The following TMTC2 variants were observed in gnomAD, a reference collection of about 807,000 sequenced individuals.
The protein encoded by TMTC2 is transmembrane O-mannosyltransferase targeting cadherins 2, also known as protein O-mannosyl-transferase TMTC2.
A neutral mutation model predicts 82.4 loss-of-function variants in TMTC2; 43 were observed. The observed-to-expected ratio is 0.52, with a 90% CI of 0.41 to 0.67. The LOEUF (loss-of-function observed/expected upper bound fraction) is 0.67. TMTC2 is among the 30% of genes least tolerant of loss of function. The probability of loss-of-function intolerance (pLI) is 0.00; values close to 1 mark genes in which losing one functional copy is unlikely to be tolerated. For missense variants in TMTC2, 919 were observed against 1,012.4 expected (o/e 0.91, Z 1.25); for synonymous variants, 408 against 381.9 (o/e 1.07, Z -0.80).
rs533873706 is a variant in TMTC2 at position 82,803,507 on chromosome 12, A to G, written c.84-53503A>G. Among the ~76,000 whole-genome samples the G allele has an allele frequency of 9.9e-5, 15 of 152,254 alleles. No individual in the cohort carries two copies. The South Asian group carries it at 3.1e-3, about 32-fold the overall frequency. Reference sequence around the variant, plus strand: ...GGTGCCAGGGAGAGAGGAGTTTCACAGTAGATAAAAACACTTGAAATTGCT... The same window carrying G: ...GGTGCCAGGGAGAGAGGAGTTTCACGGTAGATAAAAACACTTGAAATTGCT... On this transcript the variant is annotated intron_variant, in intron 1 of 11. Coordinates refer to ENST00000321196, the MANE Select transcript of TMTC2 (RefSeq NM_152588.3).
intron 9 of TMTC2, among the ~76,000 whole-genome samples, chr12:83,033,245 AT>A (rs1341202174): frequency 6.6e-6 from 1 of 152,172 alleles, no homozygotes; most frequent in Admixed American, 6.5e-5. Flanking sequence ...AAACATGAAA[AT>A]TTAAGAGAAT....
At chr12:82,964,372 G>C (rs1018471734) in intron 4 of TMTC2, among the ~76,000 whole-genome samples, 1 of 151,972 alleles carries the variant, frequency 6.6e-6, no homozygotes, top group African/African-American at 2.4e-5. Context: ...TGGAATCTTG[G>C]GGTCTGCAGA....
chr12:82,898,725 A>G (rs1024167882), intron 3 of TMTC2, among the ~76,000 whole-genome samples: 2 of 152,172 alleles, frequency 1.3e-5, no homozygotes, highest in African/African-American at 4.8e-5. Flanking sequence ...GGTGTACCCG[A>G]TCTTAGAGCA....
At chr12:82,721,089 A>T (rs1874185360) in intron 1 of TMTC2, among the ~76,000 whole-genome samples, 1 of 152,228 alleles carries the variant, frequency 6.6e-6, no homozygotes, top group South Asian at 2.1e-4. Context: ...ATTAGATTAC[A>T]TTTAACGACA....
In TMTC2 at chr12:82,864,752, T is replaced by C. The variant is rs776532126; in HGVS notation, c.654+7172T>C. 7.1e-4 allele frequency among the ~76,000 whole-genome samples: 108 copies of C among 151,730 alleles called. 1 individual carries two copies. The highest frequency in any genetic ancestry group is 3.6e-3 in the South Asian group (17 of 4,776). ...TCTTGACCTTGTGATCCGCCCGCCT[T>C]GGCCTCCCAACATGCTGGGATTACA... is the stretch of plus-strand genomic sequence containing the variant. On this transcript the variant is annotated intron_variant, in intron 2 of 11. Coordinates refer to ENST00000321196, the MANE Select transcript of TMTC2 (RefSeq NM_152588.3).
intron 3 of TMTC2, among the ~76,000 whole-genome samples, chr12:82,914,387 C>T (rs1486153970): frequency 2.6e-5 from 4 of 152,032 alleles, no homozygotes; most frequent in African/African-American, 9.7e-5. Context: ...CTGGATTGAT[C>T]ACAGTGAATG....
At chr12:82,998,796 C>G (rs949465209) in intron 8 of TMTC2, among the ~76,000 whole-genome samples, 1 of 151,536 alleles carries the variant, frequency 6.6e-6, no homozygotes, top group African/African-American at 2.4e-5. Flanking sequence ...ACTATTCCAA[C>G]ATGAAAAAAA....
At chr12:82,897,281 G>C (rs776419687) in intron 3 of TMTC2, among the ~76,000 whole-genome samples, 1 of 152,148 alleles carries the variant, frequency 6.6e-6, no homozygotes. Context: ...CATAATGAGA[G>C]TTTTGATTAT....
chr12:83,014,711 G>A (rs565644891), intron 8 of TMTC2, among the ~76,000 whole-genome samples: 2 of 122,664 alleles, frequency 1.6e-5, no homozygotes, highest in South Asian at 6.5e-4. Context: ...AGGTATAAAA[G>A]GTCTAGTTAA....
chr12:82,831,915 G>A (rs867971211), intron 1 of TMTC2, among the ~76,000 whole-genome samples: 4 of 152,238 alleles, frequency 2.6e-5, no homozygotes, highest in African/African-American at 4.8e-5. Flanking sequence ...TGATGAGGCC[G>A]AAAAATGTGC....
chr12:82,982,877 T>C (rs948285500), intron 7 of TMTC2, among the ~76,000 whole-genome samples: 3 of 152,080 alleles, frequency 2.0e-5, no homozygotes, highest in Non-Finnish European at 2.9e-5. Flanking sequence ...TACATATTCA[T>C]GATTTTTGAG....
At chr12:82,803,757 G>A (rs1240969499) in intron 1 of TMTC2, among the ~76,000 whole-genome samples, 1 of 152,028 alleles carries the variant, frequency 6.6e-6, no homozygotes, top group African/African-American at 2.4e-5. Flanking sequence ...ACGGTAAAAG[G>A]GACGCAAGAC....
At chr12:83,124,434 TTCC>T (rs1885044614) in intron 11 of TMTC2, among the ~76,000 whole-genome samples, 2 of 152,198 alleles carry the variant, frequency 1.3e-5, no homozygotes, top group South Asian at 4.1e-4. Flanking sequence ...CTTTTTCATC[TTCC>T]AGCAAAGAAG....
At chr12:83,064,573 T>G (rs1474433946) in intron 11 of TMTC2, among the ~76,000 whole-genome samples, 4 of 151,912 alleles carry the variant, frequency 2.6e-5, no homozygotes, top group Non-Finnish European at 4.4e-5. Flanking sequence ...CAGTATGTGG[T>G]CTAGGTGAGT....
chr12:82,863,158 A>ACC (rs373883668), intron 2 of TMTC2, among the ~76,000 whole-genome samples: 7 of 145,180 alleles, frequency 4.8e-5, no homozygotes, highest in African/African-American at 1.8e-4. Flanking sequence ...CTAAGTTGTG[A>ACC]CCCCCCCCCA....
At chr12:82,832,343 G>GTT (rs202150424) in intron 1 of TMTC2, among the ~76,000 whole-genome samples, 8,072 of 143,802 alleles carry the variant, frequency 0.056, 230 homozygotes, top group Middle Eastern at 0.16. Context: ...TTATGTACAA[G>GTT]TTTTTTTTTT....
intron 11 of TMTC2, among the ~76,000 whole-genome samples, chr12:83,122,102 C>A (rs1884969889): frequency 6.6e-6 from 1 of 151,954 alleles, no homozygotes; most frequent in Admixed American, 6.6e-5. Context: ...GCAAGTGTCA[C>A]TGAGTCTGTT....
intron 11 of TMTC2, among the ~76,000 whole-genome samples, chr12:83,129,805 G>T (rs1377066532): frequency 3.9e-5 from 6 of 152,150 alleles, no homozygotes; most frequent in Admixed American, 2.0e-4. Flanking sequence ...GCAACAAAAT[G>T]CTGGCATCCC....
intron 1 of TMTC2, among the ~76,000 whole-genome samples, chr12:82,762,244 G>A (rs1452416063): frequency 1.3e-5 from 2 of 152,138 alleles, no homozygotes; most frequent in East Asian, 3.8e-4. Context: ...TGGGATTACA[G>A]GTGTGAGCCA....
Sources: gnomAD v4.1 joint callset for allele counts (sites outside exome capture counted in the v4.1 genomes callset) on GRCh38, gnomAD v4.1.1 for gene constraint, MANE v1.5 for transcripts, NCBI Gene and HGNC (gene_info 2026-07-23, HGNC 2026-07-21) for gene names.